The following MPHOSPH10 variants were observed in gnomAD, a reference collection of about 807,000 sequenced individuals.
MPHOSPH10 encodes M-phase phosphoprotein 10.
A neutral mutation model predicts 77.3 loss-of-function variants in MPHOSPH10; 33 were observed. That is an observed-to-expected ratio of 0.43 (90% CI 0.32 to 0.57). MPHOSPH10 has a LOEUF of 0.57. Among genes scored for constraint, MPHOSPH10 ranks in the 20% least tolerant of loss-of-function variants. The pLI is 0.07. For synonymous variants in MPHOSPH10, 245 were observed against 268.0 expected (o/e 0.91, Z 0.84); for missense variants, 708 against 780.1 (o/e 0.91, Z 1.10).
In MPHOSPH10 at chr2:71,143,667, T is replaced by A. The variant is rs538276561; in HGVS notation, c.1447-761T>A. ...CAAACCCCAGTCTGCATTCTATCTC[T>A]GTGGATTGGCCTATTTTGAGTATTT... is the stretch of plus-strand genomic sequence containing the variant. On this transcript the variant is annotated intron_variant, in intron 7 of 10. Transcript: ENST00000244230. Among the ~76,000 whole-genome samples the A allele has an allele frequency of 2.6e-5, 4 of 152,286 alleles. No individual in the cohort carries two copies. In the South Asian group the frequency reaches 8.3e-4, roughly 32 times the overall value.
intron 4 of MPHOSPH10, among the ~76,000 whole-genome samples, chr2:71,135,613 A>C (rs1300482455): frequency 6.7e-6 from 1 of 149,716 alleles, no homozygotes; most frequent in Non-Finnish European, 1.5e-5. Context: ...TATGTATAGC[A>C]TGTCTCTCCT....
At chr2:71,148,345 A>T in intron 9 of MPHOSPH10, 1 of 405,546 alleles carries the variant, frequency 2.5e-6, no homozygotes, top group Non-Finnish European at 4.5e-6. Flanking sequence ...TAAAATAGCT[A>T]GTATCAATAT....
chr2:71,136,826 A>G (rs1400653570), intron 4 of MPHOSPH10, among the ~76,000 whole-genome samples: 1 of 150,672 alleles, frequency 6.6e-6, no homozygotes, highest in Non-Finnish European at 1.5e-5. Context: ...CCACATATAA[A>G]GAATAAAGTA....
At chr2:71,147,877 A>G in intron 8 of MPHOSPH10, 122 bp from the exon 9 acceptor site, 1 of 740,596 alleles carries the variant, frequency 1.4e-6, no homozygotes. Flanking sequence ...AAGCAAGTGA[A>G]AAAAAGATAA....
At chr2:71,143,889 A>G (rs1443037091) in intron 7 of MPHOSPH10, among the ~76,000 whole-genome samples, 2 of 152,138 alleles carry the variant, frequency 1.3e-5, no homozygotes, top group African/African-American at 4.8e-5. Flanking sequence ...TTGACTGTTA[A>G]TAGTGCCATG....
At chr2:71,144,296 CT>C (rs1161220928) in intron 7 of MPHOSPH10, 131 bp from the exon 8 acceptor site, 11 of 695,324 alleles carry the variant, frequency 1.6e-5, no homozygotes, top group Admixed American at 2.9e-5. Flanking sequence ...TTTAATTTTG[CT>C]TTTGGAATGT....
chr2:71,147,789 T>C (rs1673747685), intron 8 of MPHOSPH10, among the ~76,000 whole-genome samples: 1 of 152,180 alleles, frequency 6.6e-6, no homozygotes, highest in Non-Finnish European at 1.5e-5. Context: ...AGCACTGCCG[T>C]CATGCCAGTC....
In MPHOSPH10 at chr2:71,148,038, A is replaced by G. The variant is rs769687238; in HGVS notation, c.1597A>G (p.Ile533Val). ...TAAAGTTGTGTCAAATCTGCCAGCC[A>G]TAACCATGGAGGAAGTAGCCCCAGT... is the stretch of plus-strand genomic sequence containing the variant. ...EIKVVSNLPA[I>V]TMEEVAPVSV... is the part of the protein sequence containing the mutation. Residue 533 changes from isoleucine to valine, a missense_variant, in exon 9 of 11, where the codon ATA becomes GTA. Physicochemically the swap from Ile to Val is conservative, Grantham distance 29. Transcript: ENST00000244230. 11 of 1,614,236 alleles carry G rather than the reference A, an allele frequency of 6.8e-6. No homozygotes were observed. Among genetic ancestry groups the G allele is most frequent in the African/African-American group, 1.3e-5 (1 of 75,074 alleles).
At chr2:71,147,924 A>T in intron 8 of MPHOSPH10, 75 bp from the exon 9 acceptor site, 1 of 1,111,068 alleles carries the variant, frequency 9.0e-7, no homozygotes, top group Non-Finnish European at 1.4e-6. Flanking sequence ...ACTTTAAGTT[A>T]ATAGGTTCAC....
Position 71,149,472 on chromosome 2 carries a change from A to C in MPHOSPH10, c.1896+19A>C, listed in dbSNP as rs1268902406. On this transcript the variant is annotated intron_variant, in intron 10 of 10. Transcript: ENST00000244230. Reference sequence around the variant, plus strand: ...CATAAAGGTAAGGACAAGGGAAAGAAAACTGCTCAAGGGGACCTTTGTGGG... The same window carrying C: ...CATAAAGGTAAGGACAAGGGAAAGACAACTGCTCAAGGGGACCTTTGTGGG... The C allele has an allele frequency of 1.2e-6, 2 of 1,600,330 alleles. No homozygotes were observed. Among genetic ancestry groups the C allele is most frequent in the Non-Finnish European group, 1.7e-6 (2 of 1,172,472 alleles).
intron 6 of MPHOSPH10, among the ~76,000 whole-genome samples, chr2:71,140,279 A>G (rs1408780687): frequency 6.6e-6 from 1 of 152,194 alleles, no homozygotes; most frequent in African/African-American, 2.4e-5. Flanking sequence ...GAATACAGTT[A>G]TGGAGGCTGA....
chr2:71,146,526 CG>C (rs1370797191), intron 8 of MPHOSPH10, among the ~76,000 whole-genome samples: 12 of 151,888 alleles, frequency 7.9e-5, no homozygotes, highest in African/African-American at 2.9e-4. Flanking sequence ...TTAGTAGAGA[CG>C]GGGTTTCACC....
chr2:71,130,808 G>A (rs1468560493), intron 1 of MPHOSPH10, 54 bp downstream of exon 1: 2 of 1,524,628 alleles, frequency 1.3e-6, no homozygotes, highest in Non-Finnish European at 1.8e-6. Context: ...CGTGGACGCG[G>A]GTTGCAGGCC....
rs909032574 is a variant in MPHOSPH10, at chr2:71,148,168, C to T, written c.1665+62C>T. 6.4e-6 allele frequency: 9 copies of T among 1,396,536 alleles called. No homozygotes were observed. In the African/African-American group the frequency reaches 1.3e-4, roughly 20 times the overall value. The allele number at this position is 1,396,536 out of a possible 1,614,324, so 86.5% of individuals were successfully genotyped here. ...CAAGTTAGTTGATCATAGCCAGACT[C>T]CATTTATTTGACGTCATTTGCCTTG... On this transcript the variant is annotated intron_variant, in intron 9 of 10. Transcript: ENST00000244230.
At chr2:71,148,681 C>T (rs1271895718) in intron 9 of MPHOSPH10, 3 of 162,786 alleles carry the variant, frequency 1.8e-5, no homozygotes, top group African/African-American at 4.8e-5. Context: ...GCTACACCTA[C>T]ACTCACCCCT....
At chr2:71,138,978 G>A (rs1673556004) in intron 5 of MPHOSPH10, 2 of 540,176 alleles carry the variant, frequency 3.7e-6, no homozygotes, top group Non-Finnish European at 6.6e-6. Flanking sequence ...AGGTTGCAGT[G>A]AGCCAAGGTT....
In MPHOSPH10 at chr2:71,150,098, C is replaced by G; in HGVS notation, c.*83C>G. ...GTTTTATAATAAAATTCTTGAGAAC[C>G]TTCCTTTGCATCGATGACAGATATT... is the stretch of plus-strand genomic sequence containing the variant. On this transcript the variant is annotated 3_prime_UTR_variant, in exon 11 of 11. Transcript: ENST00000244230. 2 of 837,146 alleles carry G rather than the reference C, an allele frequency of 2.4e-6. No homozygotes were observed. Among genetic ancestry groups the G allele is most frequent in the Non-Finnish European group, 3.4e-6 (2 of 584,492 alleles). 51.9% of individuals were successfully genotyped at this position (837,146 alleles called of 1,614,324 possible). A position where few individuals can be genotyped will look rare whatever the true frequency, so the allele number is the denominator to read the frequency against.
Position 71,149,958 on chromosome 2 carries a change from A to G in MPHOSPH10, c.1989A>G (p.Lys663=). ...AAATGCAAATCAATGATGCAAAGAA[A>G]ACAGAAAAGAAAAAGAAGAAAAGAC... ...QVKMQINDAK[K]TEKKKKKRQD... The change falls in exon 11 of 11, where the codon AAA becomes AAG. Residue 663 remains lysine, a synonymous_variant. Coordinates refer to ENST00000244230, the MANE Select transcript of MPHOSPH10 (RefSeq NM_005791.3). The G allele has an allele frequency of 1.3e-6, 2 of 1,522,936 alleles. No homozygotes were observed. The highest frequency in any genetic ancestry group is 1.8e-6 in the Non-Finnish European group (2 of 1,122,416). 94.3% of individuals were successfully genotyped at this position (1,522,936 alleles called of 1,614,324 possible).
At chr2:71,139,970 T>A in intron 6 of MPHOSPH10, 108 bp downstream of exon 6, 1 of 785,564 alleles carries the variant, frequency 1.3e-6, no homozygotes, top group Non-Finnish European at 2.1e-6. Context: ...CACTTAGTGT[T>A]CACAAACCTT....
Sources: gnomAD v4.1 joint callset for allele counts (sites outside exome capture counted in the v4.1 genomes callset) on GRCh38, gnomAD v4.1.1 for gene constraint, MANE v1.5 for transcripts, NCBI Gene and HGNC (gene_info 2026-07-23, HGNC 2026-07-21) for gene names.